EXD3: variants seen among roughly 807,000 people sequenced by gnomAD.
EXD3 encodes exonuclease 3'-5' domain containing 3.
Under a neutral mutation model 98.0 loss-of-function variants are expected in EXD3, and 92 were observed. The ratio of observed to expected loss-of-function variants is 0.94; its 90% CI spans 0.79 to 1.12. The LOEUF is 1.12. Among genes scored for constraint, EXD3 ranks in the 50% most tolerant of loss-of-function variants. The pLI, the probability that EXD3 is intolerant of heterozygous loss-of-function variation, is 0.00. For synonymous variants in EXD3, 569 were observed against 526.0 expected, an observed-to-expected ratio of 1.08 and a Z score of -1.12; for missense variants, 1,222 against 1,191.6, an observed-to-expected ratio of 1.03 and a Z score of -0.38.
chr9:137,354,826 C>T (rs1391704466), intron 8 of EXD3, 53 bp from the exon 9 acceptor site: 2 of 1,556,332 alleles, frequency 1.3e-6, no homozygotes, highest in Non-Finnish European at 1.7e-6. Context: ...CTCACCACGG[C>T]CTCCTTCTGG....
intron 1 of EXD3, among the ~76,000 whole-genome samples, chr9:137,413,690 C>T (rs1198975339): frequency 6.6e-6 from 1 of 151,516 alleles, no homozygotes. Flanking sequence ...CTGGTAGAGA[C>T]GGGGTGTTGC....
chr9:137,396,277 G>C (rs1431725376), intron 1 of EXD3, among the ~76,000 whole-genome samples: 1 of 151,976 alleles, frequency 6.6e-6, no homozygotes, highest in East Asian at 1.9e-4. Context: ...CCCTGGGAGT[G>C]TTTTTGATGC....
At chr9:137,413,895 C>T (rs1456288365) in intron 1 of EXD3, among the ~76,000 whole-genome samples, 5 of 151,542 alleles carry the variant, frequency 3.3e-5, no homozygotes, top group Admixed American at 6.6e-5. Context: ...AAGGAGACCA[C>T]ACAGGTTCTG....
chr9:137,395,273 G>A lies in EXD3; in HGVS notation c.55+30C>T. 1 of 1,604,450 alleles carries A rather than the reference G, an allele frequency of 6.2e-7. No individual in the cohort carries two copies. Among genetic ancestry groups the A allele is most frequent in the South Asian group, 1.1e-5 (1 of 90,884 alleles). ...ACGCACCTCCCCCCACAGCCCCAGG[G>A]AGACTCGGCACCATCAGGCTCAGAC... On this transcript the variant is annotated intron_variant, in intron 2 of 21. Coordinates refer to ENST00000340951, the MANE Select transcript of EXD3 (RefSeq NM_017820.5). This position sits in a 1 kb window ranked among gnomAD's most constrained non-coding sequence, Gnocchi z 6.5.
rs1831088310 is a variant in EXD3 at position 137,307,187 on chromosome 9, C to T, written c.2394G>A (p.Arg798=). The change falls in exon 22 of 22, where the codon CGG becomes CGA. Residue 798 remains arginine, a synonymous_variant. Coordinates refer to ENST00000340951, the MANE Select transcript of EXD3 (RefSeq NM_017820.5). ...PCRWLQMADL[R]AETPDMLADG... ...CGGCCAGCATGTCCGGTGTCTCCGC[C>T]CGCAGGTCAGCCATCTGCAGCCAGC... The T allele has an allele frequency of 6.3e-7, 1 of 1,585,324 alleles. No individual in the cohort carries two copies. The highest frequency in any genetic ancestry group is 1.3e-5 in the African/African-American group (1 of 74,318).
At chr9:137,384,626 T>G (rs1227420276) in intron 2 of EXD3, among the ~76,000 whole-genome samples, 4 of 152,148 alleles carry the variant, frequency 2.6e-5, no homozygotes, top group Non-Finnish European at 5.9e-5. Flanking sequence ...ATGTGATTGA[T>G]TACACAGAAA....
chr9:137,398,030 T>TTA (rs1468419143), intron 1 of EXD3, among the ~76,000 whole-genome samples: 5 of 152,132 alleles, frequency 3.3e-5, no homozygotes, highest in Non-Finnish European at 7.4e-5. Flanking sequence ...TGAAACTACA[T>TTA]AAAAGAGCTA....
chr9:137,322,034 G>A (rs1446624209), intron 19 of EXD3, among the ~76,000 whole-genome samples: 6 of 152,182 alleles, frequency 3.9e-5, no homozygotes, highest in African/African-American at 1.4e-4. Context: ...AGAGAGGTGA[G>A]TTGGGCTTTG....
At chr9:137,365,086 T>G (rs1835157520) in intron 7 of EXD3, 5 of 151,912 alleles carry the variant, frequency 3.3e-5, no homozygotes, top group African/African-American at 7.3e-5. Flanking sequence ...TTTTTTTTTT[T>G]TTTAAGTAAT....
intron 1 of EXD3, among the ~76,000 whole-genome samples, chr9:137,420,234 T>C (rs1263911729): frequency 6.6e-6 from 1 of 152,210 alleles, no homozygotes; most frequent in Admixed American, 6.5e-5. Flanking sequence ...TTTTATGATT[T>C]TTTGTTGTTA....
chr9:137,373,240 AC>A (rs1287719003), intron 4 of EXD3, among the ~76,000 whole-genome samples, 168 bp from the exon 5 acceptor site: 1 of 152,186 alleles, frequency 6.6e-6, no homozygotes, highest in African/African-American at 2.4e-5. Context: ...CGGTCTCAGC[AC>A]GTGACTGTCA....
Position 137,366,620 on chromosome 9 carries a change from G to A in EXD3, c.529C>T (p.Leu177=). 1 of 1,558,548 alleles carries A rather than the reference G, an allele frequency of 6.4e-7. No individual in the cohort carries two copies. The change falls in exon 7 of 22, where the codon CTG becomes TTG. Residue 177 remains leucine, a synonymous_variant. Coordinates refer to ENST00000340951, the MANE Select transcript of EXD3 (RefSeq NM_017820.5). ...AGGGCCACCTTGTCCTGGAGGAGCAGTGGGATGCTCATCTGCAGGGGGACA... is the reference window on the plus strand; with the variant it reads ...AGGGCCACCTTGTCCTGGAGGAGCAATGGGATGCTCATCTGCAGGGGGACA... ...ELGVEKMSIP[L]LLQDKVALVE...
At chr9:137,421,564 C>T (rs1838515487) in intron 1 of EXD3, among the ~76,000 whole-genome samples, 1 of 152,186 alleles carries the variant, frequency 6.6e-6, no homozygotes, top group Non-Finnish European at 1.5e-5. Context: ...CCTGGCTGGG[C>T]AGAGGTTCAC....
At chr9:137,350,462 C>T (rs182518972) in intron 14 of EXD3, among the ~76,000 whole-genome samples, 842 of 57,482 alleles carry the variant, frequency 0.015, 3 homozygotes, top group Admixed American at 0.025. Context: ...GTGGGGATCA[C>T]GGGGAGGGGG....
intron 17 of EXD3, among the ~76,000 whole-genome samples, chr9:137,337,822 C>G (rs926521169): frequency 6.6e-6 from 1 of 151,242 alleles, no homozygotes; most frequent in Admixed American, 6.6e-5. Flanking sequence ...GAGTCTTGCT[C>G]TGTTGCCCAG....
In EXD3 at chr9:137,368,007, G is replaced by A. The variant is rs376229268; in HGVS notation, c.463-18C>T. On this transcript the variant is annotated intron_variant, in intron 5 of 21. Coordinates refer to ENST00000340951, the MANE Select transcript of EXD3 (RefSeq NM_017820.5). The stretch of plus-strand genomic sequence containing the variant: ...GTGGCTGCCTGGCAAACACAAAGGC[G>A]GCAGATTACTCAGGGCCTGGGAGGG... The A allele has an allele frequency of 5.3e-5, 85 of 1,604,540 alleles. No individual in the cohort carries two copies. Among genetic ancestry groups the A allele is most frequent in the Non-Finnish European group, 6.3e-5 (74 of 1,178,592 alleles).
chr9:137,327,525 A>G (rs1832496636), intron 17 of EXD3, among the ~76,000 whole-genome samples: 1 of 152,200 alleles, frequency 6.6e-6, no homozygotes, highest in South Asian at 2.1e-4. Context: ...ACTGAATTGT[A>G]CACTTAAAAA....
At chr9:137,401,610 C>G (rs1173850885) in intron 1 of EXD3, among the ~76,000 whole-genome samples, 1 of 152,232 alleles carries the variant, frequency 6.6e-6, no homozygotes, top group Non-Finnish European at 1.5e-5. Flanking sequence ...TGTGGACCCA[C>G]AAGCTCAACA....
At chr9:137,313,982 G>C (rs113534900) in intron 19 of EXD3, among the ~76,000 whole-genome samples, 5 of 152,148 alleles carry the variant, frequency 3.3e-5, no homozygotes, top group Non-Finnish European at 4.4e-5. Context: ...GGCGGGGGTC[G>C]CCAGTGTGCC....
Sources: allele counts gnomAD v4.1 joint callset (sites outside exome capture counted in the v4.1 genomes callset), GRCh38; gene constraint gnomAD v4.1.1; non-coding constraint Gnocchi (gnomAD v3.1); transcripts MANE v1.5; gene names NCBI Gene and HGNC (gene_info 2026-07-23, HGNC 2026-07-21).